The following SCN9A variants were observed in gnomAD, a reference collection of about 807,000 sequenced individuals.
The protein encoded by SCN9A is sodium channel protein type 9 subunit alpha.
In SCN9A, 131 loss-of-function variants were observed where a neutral mutation model predicts 187.0. The ratio of observed to expected loss-of-function variants is 0.70; its 90% CI spans 0.61 to 0.81. The LOEUF is 0.81. Among genes scored for constraint, SCN9A ranks in the 30% least tolerant of loss-of-function variants. The pLI, the probability that SCN9A is intolerant of heterozygous loss-of-function variation, is 0.00. For missense variants in SCN9A, 2,252 were observed against 2,396.6 expected, an observed-to-expected ratio of 0.94 and a Z score of 1.26; for synonymous variants, 809 against 808.6, an observed-to-expected ratio of 1.00 and a Z score of -0.01.
intron 1 of SCN9A, among the ~76,000 whole-genome samples, chr2:166,360,255 TAA>T (rs1159944353): frequency 2.8e-5 from 4 of 144,528 alleles, no homozygotes; most frequent in African/African-American, 1.0e-4. Flanking sequence ...AAAAAGAAAT[TAA>T]AGTTTATAAT....
At chr2:166,347,283 C>T (rs926422286) in intron 1 of SCN9A, among the ~76,000 whole-genome samples, 1 of 152,074 alleles carries the variant, frequency 6.6e-6, no homozygotes, top group Non-Finnish European at 1.5e-5. Context: ...CCAATTACAC[C>T]TACAACTTCT....
chr2:166,287,920 T>C (rs1464433534), intron 10 of SCN9A, among the ~76,000 whole-genome samples: 2 of 149,422 alleles, frequency 1.3e-5, no homozygotes, highest in Non-Finnish European at 3.0e-5. Flanking sequence ...CAATTGGTAC[T>C]CTGGGGAAAT....
At chr2:166,260,584 AC>A (rs980734025) in intron 17 of SCN9A, among the ~76,000 whole-genome samples, 3 of 151,848 alleles carry the variant, frequency 2.0e-5, no homozygotes, top group Non-Finnish European at 2.9e-5. Flanking sequence ...TAGAGTGTAT[AC>A]TTTTTGTTGT....
chr2:166,251,931 A>T (rs1369491769), intron 17 of SCN9A, 46 bp from the exon 18 acceptor site: 1 of 1,602,560 alleles, frequency 6.2e-7, no homozygotes, highest in Admixed American at 1.7e-5. Flanking sequence ...TTTAGAGTTC[A>T]TTCAAATATG....
At chr2:166,312,853 G>T (rs1699002872) in intron 1 of SCN9A, among the ~76,000 whole-genome samples, 1 of 150,814 alleles carries the variant, frequency 6.6e-6, no homozygotes, top group Non-Finnish European at 1.5e-5. Flanking sequence ...ATCAACACTG[G>T]GCCTAAAATA....
rs1356218398 is a variant in SCN9A at position 166,356,485 on chromosome 2, TC to T, written c.-51+19211del. On this transcript the variant is annotated intron_variant, in intron 1 of 26. Coordinates refer to ENST00000642356, the MANE Select transcript of SCN9A (RefSeq NM_001365536.1). Reference sequence around the variant, plus strand: ...TAGGTCCAAATTGCAGGTTTATGACTCCCATTTTTTCCCCATAAATAGCATT... The same window carrying T: ...TAGGTCCAAATTGCAGGTTTATGACTCCATTTTTTCCCCATAAATAGCATT... Among the ~76,000 whole-genome samples, 4 of 152,282 alleles carry T rather than the reference TC, an allele frequency of 2.6e-5. No individual in the cohort carries two copies. The East Asian group carries it at 7.7e-4, about 29-fold the overall frequency.
chr2:166,233,271 T>C (rs1695175338), intron 21 of SCN9A, 69 bp downstream of exon 21: 1 of 1,140,168 alleles, frequency 8.8e-7, no homozygotes, highest in Non-Finnish European at 1.2e-6. Context: ...AATTTCTACA[T>C]ACCCATTGTT....
rs117027482 is a variant in SCN9A, at chr2:166,270,649, G to C, written c.3351+1750C>G. Reference sequence around the variant, plus strand: ...TTATGTATTGATTTTTTTTGAGACAGAGTCTCACTCTGTAGTCCAAGCTGG... The same window carrying C: ...TTATGTATTGATTTTTTTTGAGACACAGTCTCACTCTGTAGTCCAAGCTGG... On this transcript the variant is annotated intron_variant, in intron 17 of 26. Coordinates refer to ENST00000642356, the MANE Select transcript of SCN9A (RefSeq NM_001365536.1). Among the ~76,000 whole-genome samples, 292 of 151,128 alleles carry C rather than the reference G, an allele frequency of 1.9e-3. 2 individuals are homozygous for C. In the East Asian group the frequency reaches 0.047, roughly 24 times the overall value.
At chr2:166,368,726 G>A (rs1700479366) in intron 1 of SCN9A, among the ~76,000 whole-genome samples, 2 of 146,498 alleles carry the variant, frequency 1.4e-5, no homozygotes, top group South Asian at 4.3e-4. Flanking sequence ...GGTGGCTCAC[G>A]CCTATAATCC....
At chr2:166,254,707 A>G (rs1320162997) in intron 17 of SCN9A, among the ~76,000 whole-genome samples, 1 of 151,518 alleles carries the variant, frequency 6.6e-6, no homozygotes, top group Non-Finnish European at 1.5e-5. Context: ...ACTATATTAG[A>G]GAAGTGAAAT....
intron 1 of SCN9A, among the ~76,000 whole-genome samples, chr2:166,323,264 C>T: frequency 6.6e-6 from 1 of 152,152 alleles, no homozygotes; most frequent in East Asian, 1.9e-4. Flanking sequence ...TCCCTTCCTT[C>T]AAGCAAAGAA....
chr2:166,218,070 C>A (rs1036131342), intron 24 of SCN9A, among the ~76,000 whole-genome samples: 1 of 151,800 alleles, frequency 6.6e-6, no homozygotes, highest in Non-Finnish European at 1.5e-5. Flanking sequence ...ATACATGCAA[C>A]CTGTACCCAT....
At chr2:166,337,703 G>C (rs940565829) in intron 1 of SCN9A, among the ~76,000 whole-genome samples, 1 of 152,060 alleles carries the variant, frequency 6.6e-6, no homozygotes, top group African/African-American at 2.4e-5. Flanking sequence ...TCTAAAGGCT[G>C]AAAAGTGCAA....
intron 19 of SCN9A, among the ~76,000 whole-genome samples, chr2:166,240,752 T>C (rs1178405455): frequency 3.3e-5 from 5 of 151,954 alleles, no homozygotes; most frequent in African/African-American, 9.7e-5. Flanking sequence ...TGTTGGGGAG[T>C]GTGCCAAGAA....
intron 18 of SCN9A, among the ~76,000 whole-genome samples, chr2:166,246,926 T>C (rs962848117): frequency 4.6e-5 from 7 of 151,954 alleles, no homozygotes; most frequent in African/African-American, 1.7e-4. Context: ...TGTCTGGTTT[T>C]TGTGCAAAGG....
intron 21 of SCN9A, 41 bp from the exon 22 acceptor site, chr2:166,229,013 A>C: frequency 6.6e-7 from 1 of 1,517,428 alleles, no homozygotes; most frequent in Non-Finnish European, 9.1e-7. Context: ...AGGATTAGTA[A>C]GATGTTAAAT....
chr2:166,371,366 A>C (rs1440631298), intron 1 of SCN9A, among the ~76,000 whole-genome samples: 1 of 152,190 alleles, frequency 6.6e-6, no homozygotes, highest in African/African-American at 2.4e-5. Context: ...TCCCCACTTT[A>C]TCATGGCCTG....
At chr2:166,279,112 C>T (rs532689569) in intron 14 of SCN9A, among the ~76,000 whole-genome samples, 4 of 152,160 alleles carry the variant, frequency 2.6e-5, no homozygotes, top group South Asian at 4.2e-4. Context: ...GGGATGCAGT[C>T]GTCTCAGTGA....
At chr2:166,295,661 C>T (rs1422002517) in intron 7 of SCN9A, among the ~76,000 whole-genome samples, 1 of 152,176 alleles carries the variant, frequency 6.6e-6, no homozygotes, top group Non-Finnish European at 1.5e-5. Context: ...TGGTACAATA[C>T]TCCGGAAGAG....
Sources: gnomAD v4.1 joint callset for allele counts (sites outside exome capture counted in the v4.1 genomes callset) on GRCh38, gnomAD v4.1.1 for gene constraint, MANE v1.5 for transcripts, NCBI Gene and HGNC (gene_info 2026-07-23, HGNC 2026-07-21) for gene names.